DRICH1: variants seen among roughly 807,000 people sequenced by gnomAD.
The protein encoded by DRICH1 is aspartate rich 1, also known as aspartate-rich protein 1.
In DRICH1, 38 loss-of-function variants were observed where a neutral mutation model predicts 39.5. That is an observed-to-expected ratio of 0.96 (90% CI 0.74 to 1.26). The LOEUF is 1.26. Ranked by LOEUF, DRICH1 falls within the 50% of genes most tolerant of loss-of-function variation. DRICH1 has a pLI of 0.00. For missense variants in DRICH1, 279 were observed against 270.4 expected, an observed-to-expected ratio of 1.03 and a Z score of -0.22; for synonymous variants, 84 against 99.5, an observed-to-expected ratio of 0.84 and a Z score of 0.93.
At chr22:23,623,877 GA>G (rs1488882540) in intron 3 of DRICH1, 2 of 886,880 alleles carry the variant, frequency 2.3e-6, no homozygotes, top group East Asian at 2.4e-4. Flanking sequence ...AAGGTACCAA[GA>G]ATACACAATG....
downstream of DRICH1, among the ~76,000 whole-genome samples, chr22:23,605,164 C>T (rs1039359263): frequency 2.6e-5 from 4 of 152,134 alleles, no homozygotes; most frequent in Admixed American, 6.6e-5. Context: ...GTATAAAGTT[C>T]ACCAGTGATG....
intron 11 of DRICH1, among the ~76,000 whole-genome samples, chr22:23,611,667 T>C (rs1373474202): frequency 6.6e-6 from 1 of 152,124 alleles, no homozygotes; most frequent in African/African-American, 2.4e-5. Context: ...ACTACAGCCA[T>C]ATGTAGCAGA....
chr22:23,623,194 C>T (rs1385076404), intron 3 of DRICH1, among the ~76,000 whole-genome samples: 1 of 152,112 alleles, frequency 6.6e-6, no homozygotes, highest in Non-Finnish European at 1.5e-5. Flanking sequence ...ATCACGACAT[C>T]AAAAGATTGA....
Position 23,608,658 on chromosome 22 carries a change from C to T in DRICH1, c.*106G>A, listed in dbSNP as rs1926865591. ...CTCTGCTGGGACCAAGAGTTTTCCT[C>T]AGAATGTAGAGAGGATTGAGACCTC... is the stretch of plus-strand genomic sequence containing the variant. On this transcript the variant is annotated 3_prime_UTR_variant, in exon 12 of 12. Transcript: ENST00000317749. 1.3e-5 allele frequency: 15 copies of T among 1,149,964 alleles called. No individual in the cohort carries two copies. In the South Asian group the frequency reaches 2.0e-4, roughly 15 times the overall value. The allele number at this position is 1,149,964 out of a possible 1,614,324, so 71.2% of individuals were successfully genotyped here.
intron 6 of DRICH1, among the ~76,000 whole-genome samples, chr22:23,618,113 C>CTTTTTT (rs368348650): frequency 3.1e-5 from 4 of 127,330 alleles, no homozygotes; most frequent in African/African-American, 8.5e-5. Context: ...ATCACACATT[C>CTTTTTT]TTTTTTTTTT....
chr22:23,604,559 C>T (rs552623104), downstream of DRICH1, among the ~76,000 whole-genome samples: 180 of 152,236 alleles, frequency 1.2e-3, no homozygotes, highest in African/African-American at 4.1e-3. Flanking sequence ...ACACTGAGAC[C>T]CTGGTCTCAG....
chr22:23,595,933 G>A, the DRICH1 span, among the ~76,000 whole-genome samples: 3,633 of 152,284 alleles, frequency 0.024, 67 homozygotes, highest in South Asian at 0.051. Context: ...CATCATTGCT[G>A]GCCAGGGGAC....
chr22:23,617,239 G>C (rs1927409835), intron 7 of DRICH1, among the ~76,000 whole-genome samples: 1 of 152,152 alleles, frequency 6.6e-6, no homozygotes, highest in South Asian at 2.1e-4. Context: ...CTCACAAAGA[G>C]AATTGTGTAT....
At chr22:23,626,920 C>G (rs144358923) in intron 1 of DRICH1, among the ~76,000 whole-genome samples, 12 of 152,134 alleles carry the variant, frequency 7.9e-5, no homozygotes, top group African/African-American at 2.7e-4. Context: ...TTGATGTGCA[C>G]GCTTTGAGTT....
chr22:23,624,751 A>G, intron 3 of DRICH1, 132 bp downstream of exon 3: 21 of 1,151,364 alleles, frequency 1.8e-5, no homozygotes, highest in Non-Finnish European at 2.5e-5. Flanking sequence ...TCTGCTCATA[A>G]TTATACACTC....
chr22:23,591,053 CCTT>C, the DRICH1 span, among the ~76,000 whole-genome samples: 1 of 152,204 alleles, frequency 6.6e-6, no homozygotes, highest in African/African-American at 2.4e-5. Context: ...CTTCCTCAAA[CCTT>C]CTCTAGCCGT....
chr22:23,613,871 C>A (rs1198189565), intron 9 of DRICH1, among the ~76,000 whole-genome samples: 1 of 152,126 alleles, frequency 6.6e-6, no homozygotes, highest in African/African-American at 2.4e-5. Context: ...TATGCAAATG[C>A]ACAATGCTTA....
intron 11 of DRICH1, 142 bp downstream of exon 11, chr22:23,613,147 C>T (rs1927138262): frequency 2.9e-6 from 2 of 688,712 alleles, no homozygotes; most frequent in African/African-American, 3.6e-5. Flanking sequence ...CTGAAAACAA[C>T]AAGCCAGACC....
At chr22:23,614,937 C>G (rs967735267) in intron 8 of DRICH1, among the ~76,000 whole-genome samples, 1 of 152,214 alleles carries the variant, frequency 6.6e-6, no homozygotes, top group African/African-American at 2.4e-5. Flanking sequence ...ACTCTGAACA[C>G]TTTCTGCCAT....
At chr22:23,600,549 C>T in the DRICH1 span, among the ~76,000 whole-genome samples, 8,048 of 152,168 alleles carry the variant, frequency 0.053, 387 homozygotes, top group African/African-American at 0.12. Flanking sequence ...GGCCTGGGCA[C>T]CTCGGTGCTG....
intron 8 of DRICH1, among the ~76,000 whole-genome samples, chr22:23,615,961 T>C (rs568359995): frequency 1.3e-5 from 2 of 152,156 alleles, no homozygotes; most frequent in Non-Finnish European, 2.9e-5. Context: ...AATAAAGAAA[T>C]AGAATGTTGA....
intron 11 of DRICH1, among the ~76,000 whole-genome samples, chr22:23,609,547 C>A (rs1397504536): frequency 4.6e-5 from 7 of 152,146 alleles, no homozygotes; most frequent in African/African-American, 1.4e-4. Context: ...CTACAGAGCA[C>A]CCCCTGACCA....
At chr22:23,594,416 A>G in the DRICH1 span, among the ~76,000 whole-genome samples, 1 of 152,326 alleles carries the variant, frequency 6.6e-6, no homozygotes, top group East Asian at 1.9e-4. Context: ...TAAAAATACA[A>G]AAAATTAACC....
At chr22:23,586,147 A>C in the DRICH1 span, among the ~76,000 whole-genome samples, 1 of 152,226 alleles carries the variant, frequency 6.6e-6, no homozygotes, top group African/African-American at 2.4e-5. Flanking sequence ...GTAGCTCAGC[A>C]GTTTTTGGTT....
Sources: gnomAD v4.1 joint callset for allele counts (sites outside exome capture counted in the v4.1 genomes callset) on GRCh38, gnomAD v4.1.1 for gene constraint, MANE v1.5 for transcripts, NCBI Gene and HGNC (gene_info 2026-07-23, HGNC 2026-07-21) for gene names.